Variants in PAPPA observed in about 807,000 individuals in gnomAD.
The protein encoded by PAPPA is pappalysin-1.
PAPPA carries 60 observed loss-of-function variants against 164.0 expected under a neutral mutation model. The observed-to-expected ratio is 0.37, with a 90% CI of 0.30 to 0.45. The LOEUF is 0.45. PAPPA is among the 20% of genes least tolerant of loss of function. The pLI, the probability that PAPPA is intolerant of heterozygous loss-of-function variation, is 1.00. For missense variants in PAPPA, 1,782 were observed against 2,087.3 expected (o/e 0.85, Z 2.85); for synonymous variants, 875 against 814.1 (o/e 1.07, Z -1.27).
intron 9 of PAPPA, among the ~76,000 whole-genome samples, chr9:116,300,224 TTGC>T (rs1384403958): frequency 6.6e-6 from 1 of 152,066 alleles, no homozygotes; most frequent in African/African-American, 2.4e-5. Flanking sequence ...TCTGTTTCTT[TTGC>T]TCATTCTTTC....
At chr9:116,159,207 C>T (rs967443149) in intron 1 of PAPPA, among the ~76,000 whole-genome samples, 18 of 152,298 alleles carry the variant, frequency 1.2e-4, no homozygotes, top group Middle Eastern at 3.4e-3. Flanking sequence ...CCTTGGTTTA[C>T]TTATCTGTAA....
At position 116,222,268 on chromosome 9, in the gene PAPPA, G is replaced by A. The variant is rs143484241; in HGVS notation, c.2111+2139G>A. Among the ~76,000 whole-genome samples, 52 of 152,220 alleles carry A rather than the reference G, an allele frequency of 3.4e-4. 1 individual carries two copies. In the East Asian group the frequency reaches 7.5e-3, roughly 22 times the overall value. On this transcript the variant is annotated intron_variant, in intron 5 of 21. Transcript: ENST00000328252. ...GTAAAGAAAATGTGGTGTACAGATG[G>A]TCTCCAATTTACGATAATTTGACTT...
intron 13 of PAPPA, among the ~76,000 whole-genome samples, chr9:116,342,537 G>A (rs959290113): frequency 2.6e-5 from 4 of 152,142 alleles, no homozygotes; most frequent in Admixed American, 1.3e-4. Context: ...GAAGCTTTTA[G>A]CTCCCCCCGC....
chr9:116,210,457 C>T lies in PAPPA; in HGVS notation c.1625-1182C>T, dbSNP rs143478781. ...GCCAGCTCAAATCAACAAGACCCTACCTCCTCACCATTCTTTTAGAAGATG... is the reference window on the plus strand; with the variant it reads ...GCCAGCTCAAATCAACAAGACCCTATCTCCTCACCATTCTTTTAGAAGATG... On this transcript the variant is annotated intron_variant, in intron 3 of 21. Transcript: ENST00000328252. Among the ~76,000 whole-genome samples, 81 of 152,310 alleles carry T rather than the reference C, an allele frequency of 5.3e-4. No homozygotes were observed. The East Asian group carries it at 0.015, about 28-fold the overall frequency.
chr9:116,201,814 T>C (rs1186337014), intron 2 of PAPPA, among the ~76,000 whole-genome samples: 1 of 152,190 alleles, frequency 6.6e-6, no homozygotes, highest in African/African-American at 2.4e-5. Flanking sequence ...TGTTGCCTTT[T>C]ATTCTAACCT....
intron 20 of PAPPA, among the ~76,000 whole-genome samples, chr9:116,381,659 A>T (rs1846733252): frequency 6.6e-6 from 1 of 152,258 alleles, no homozygotes; most frequent in South Asian, 2.1e-4. Flanking sequence ...AGAGAGATGA[A>T]GTAAAAAACC....
In PAPPA at chr9:116,270,459, A is replaced by C. The variant is rs75604295; in HGVS notation, c.2862-866A>C. Among the ~76,000 whole-genome samples, 40 of 152,372 alleles carry C rather than the reference A, an allele frequency of 2.6e-4. No homozygotes were observed. In the East Asian group the frequency reaches 6.2e-3, roughly 23 times the overall value. On this transcript the variant is annotated intron_variant, in intron 8 of 21. Transcript: ENST00000328252. ...TCAATTAATTTAAATGTAAATCATC[A>C]CAGAAATATCAGATCAAGAGGTCAA...
intron 4 of PAPPA, among the ~76,000 whole-genome samples, chr9:116,212,771 A>G (rs73654676): frequency 0.019 from 2,870 of 152,310 alleles, 95 homozygotes; most frequent in African/African-American, 0.064. Context: ...GGAGGGAAGG[A>G]AGGAGGAAAA....
intron 1 of PAPPA, among the ~76,000 whole-genome samples, chr9:116,185,128 C>G (rs1843954830): frequency 6.6e-6 from 1 of 152,160 alleles, no homozygotes; most frequent in Non-Finnish European, 1.5e-5. Flanking sequence ...TAAAGAAAAT[C>G]AGACTTGGAC....
intron 1 of PAPPA, among the ~76,000 whole-genome samples, chr9:116,175,852 G>GA (rs1373315970): frequency 1.3e-5 from 2 of 152,018 alleles, no homozygotes; most frequent in East Asian, 1.9e-4. Context: ...TCATTGCCAT[G>GA]AAAAAAAATT....
chr9:116,187,032 G>A lies in PAPPA; in HGVS notation c.416-122G>A. The A allele has an allele frequency of 1.4e-6, 1 of 713,286 alleles. No individual in the cohort carries two copies. The highest frequency in any genetic ancestry group is 2.0e-5 in the South Asian group (1 of 51,176). The allele number at this position is 713,286 out of a possible 1,614,324, so 44.2% of individuals were successfully genotyped here. ...CATTAGCAACTCCTAGGATCCCACA[G>A]AGCAGTTGGAAAGCGATGAGTCTAG... On this transcript the variant is annotated intron_variant, in intron 1 of 21. Transcript: ENST00000328252. This position sits in a 1 kb window ranked among gnomAD's most constrained non-coding sequence, Gnocchi z 4.2.
intron 10 of PAPPA, among the ~76,000 whole-genome samples, chr9:116,303,424 G>A (rs1187264973): frequency 1.3e-5 from 2 of 152,046 alleles, no homozygotes. Flanking sequence ...TGATCTCCAA[G>A]GGCCTTCCCA....
At chr9:116,372,789 C>G (rs1340733119) in intron 19 of PAPPA, among the ~76,000 whole-genome samples, 8 of 152,124 alleles carry the variant, frequency 5.3e-5, no homozygotes, top group Non-Finnish European at 1.0e-4. Context: ...TTGACTATCT[C>G]TAATATGTAG....
intron 4 of PAPPA, among the ~76,000 whole-genome samples, chr9:116,213,005 TTC>T (rs1844327393): frequency 1.3e-5 from 2 of 152,310 alleles, no homozygotes; most frequent in African/African-American, 4.8e-5. Context: ...CCAAGTATTT[TTC>T]TCTTTTACTC....
intron 1 of PAPPA, among the ~76,000 whole-genome samples, chr9:116,177,393 C>T (rs1843849948): frequency 2.0e-5 from 3 of 152,194 alleles, no homozygotes. Context: ...TACATATAAG[C>T]ATTTTGTCAA....
rs764252248 is a variant in PAPPA, at chr9:116,235,525, G to A, written c.2620G>A (p.Asp874Asn). The A allele has an allele frequency of 1.9e-6, 3 of 1,613,672 alleles. No homozygotes were observed. In the East Asian group the frequency reaches 6.7e-5, roughly 36 times the overall value. ...IDAAMLTSTA[D>N]TPLCLQCKPL... is the part of the protein sequence containing the mutation. ...TGCTGCCATGTTGACCTCCACTGCA[G>A]ACACCCCACTCTGTCTACAGTGTAA... The change falls in exon 7 of 22, where the codon GAC becomes AAC. Residue 874 changes from aspartate to asparagine, a missense_variant. Transcript: ENST00000328252.
intron 5 of PAPPA, among the ~76,000 whole-genome samples, chr9:116,223,274 G>T (rs76478911): frequency 2.0e-5 from 3 of 152,134 alleles, no homozygotes; most frequent in African/African-American, 4.8e-5. Context: ...GTGATGAGAA[G>T]TATCAGACTT....
intron 18 of PAPPA, 91 bp from the exon 19 acceptor site, chr9:116,367,554 A>G (rs750533765): frequency 2.4e-5 from 22 of 899,576 alleles, no homozygotes; most frequent in Admixed American, 4.0e-5. Flanking sequence ...ACCAGGGACC[A>G]GGGAGTGGGA....
Position 116,398,507 on chromosome 9 carries a change from A to G in PAPPA, c.*1891A>G, listed in dbSNP as rs1260045243. 1.7e-6 allele frequency: 2 copies of G among 1,194,980 alleles called. No individual in the cohort carries two copies. The highest frequency in any genetic ancestry group is 3.2e-5 in the African/African-American group (2 of 62,100). The allele number at this position is 1,194,980 out of a possible 1,614,324, so 74.0% of individuals were successfully genotyped here. On this transcript the variant is annotated 3_prime_UTR_variant, in exon 22 of 22. Transcript: ENST00000328252. ...AAAAAAAAAAAAAAAGAGACCAAAA[A>G]TAACTTTAGGAACCACCATATTATA... is the stretch of plus-strand genomic sequence containing the variant.
Sources: allele counts gnomAD v4.1 joint callset (sites outside exome capture counted in the v4.1 genomes callset), GRCh38; gene constraint gnomAD v4.1.1; non-coding constraint Gnocchi (gnomAD v3.1); transcripts MANE v1.5; gene names NCBI Gene and HGNC (gene_info 2026-07-23, HGNC 2026-07-21).